The following ZNF407 variants were observed in gnomAD, a reference collection of about 807,000 sequenced individuals.
The protein encoded by ZNF407 is zinc finger protein 407.
A neutral mutation model predicts 131.2 loss-of-function variants in ZNF407; 17 were observed. The observed-to-expected ratio is 0.13, with a 90% CI of 0.09 to 0.19. ZNF407 has a LOEUF of 0.19. Ranked by LOEUF, ZNF407 falls within the 10% of genes least tolerant of loss-of-function variation. The pLI is 1.00. For missense variants in ZNF407, 2,681 were observed against 2,830.6 expected, an observed-to-expected ratio of 0.95 and a Z score of 1.20; for synonymous variants, 1,156 against 1,062.0, an observed-to-expected ratio of 1.09 and a Z score of -1.72.
rs573531464 is a variant in ZNF407, at chr18:74,844,223, TC to T, written c.4878-32969del. Among the ~76,000 whole-genome samples, 3 of 152,158 alleles carry T rather than the reference TC, an allele frequency of 2.0e-5. No homozygotes were observed. In the South Asian group the frequency reaches 6.2e-4, roughly 32 times the overall value. On this transcript the variant is annotated intron_variant, in intron 4 of 8. Coordinates refer to ENST00000299687, the MANE Select transcript of ZNF407 (RefSeq NM_017757.3). The stretch of plus-strand genomic sequence containing the variant: ...TCCTTCCCCCATGGCTTGCTTCTCC[TC>T]CCCCATGGCGTGAGCTTCTCAGAAT...
chr18:74,676,525 C>T (rs1021606789), intron 3 of ZNF407, among the ~76,000 whole-genome samples: 6 of 151,840 alleles, frequency 4.0e-5, no homozygotes, highest in Non-Finnish European at 8.8e-5. Context: ...CAAGCTCCGC[C>T]TCCCGGGTTC....
At chr18:75,023,469 A>C (rs1177624127) in intron 8 of ZNF407, among the ~76,000 whole-genome samples, 4 of 152,260 alleles carry the variant, frequency 2.6e-5, no homozygotes, top group African/African-American at 7.2e-5. Flanking sequence ...ATAATGTATC[A>C]TATAAGTTAA....
chr18:74,647,513 G>A (rs1310318527), intron 3 of ZNF407, among the ~76,000 whole-genome samples: 2 of 152,086 alleles, frequency 1.3e-5, no homozygotes, highest in African/African-American at 4.8e-5. Context: ...AGAATATTAG[G>A]TGGGTAGCCA....
Position 74,635,514 on chromosome 18 carries a change from C to G in ZNF407, c.4495C>G (p.Gln1499Glu). The stretch of plus-strand genomic sequence containing the variant: ...GTGCACAGAGCCCTTTGATTCTGAA[C>G]AGAATTTATTTTTACATATTAAAGG... Reference protein sequence around the residue: ...VKCTEPFDSEQNLFLHIKGQH... With the variant: ...VKCTEPFDSEENLFLHIKGQH... The change falls in exon 2 of 9, where the codon CAG becomes GAG. Residue 1499 changes from glutamine to glutamate, a missense_variant. By Grantham distance (29) the Gln-to-Glu change is conservative. Around this residue, in one of 6 missense-constraint regions of ZNF407, gnomAD observed 213 missense variants for 332.2 expected, o/e 0.64. Transcript: ENST00000299687. The surrounding 1 kb of genome is among the most constrained non-coding windows in gnomAD (Gnocchi z 4.7). 1 of 1,612,436 alleles carries G rather than the reference C, an allele frequency of 6.2e-7. No homozygotes were observed. Among genetic ancestry groups the G allele is most frequent in the Non-Finnish European group, 8.5e-7 (1 of 1,179,136 alleles).
rs946015188 is a variant in ZNF407, at chr18:74,599,211, A to G, written c.-54+1274A>G. Among the ~76,000 whole-genome samples, 5 of 152,244 alleles carry G rather than the reference A, an allele frequency of 3.3e-5. No individual in the cohort carries two copies. The East Asian group carries it at 5.8e-4, about 18-fold the overall frequency. ...TACAAACTGAGACTCACTTTGCTATATACAAAATTACTGCTACTGGTACAA... is the reference window on the plus strand; with the variant it reads ...TACAAACTGAGACTCACTTTGCTATGTACAAAATTACTGCTACTGGTACAA... On this transcript the variant is annotated intron_variant, in intron 1 of 8. Coordinates refer to ENST00000299687, the MANE Select transcript of ZNF407 (RefSeq NM_017757.3).
In ZNF407 at chr18:75,065,193, A is replaced by G. The variant is rs1973698512; in HGVS notation, c.*725A>G. The G allele has an allele frequency of 6.6e-6, 1 of 152,388 alleles. No homozygotes were observed. Among genetic ancestry groups the G allele is most frequent in the Admixed American group, 6.5e-5 (1 of 15,276 alleles). The allele number at this position is 152,388 out of a possible 1,614,324, so 9.4% of individuals were successfully genotyped here. ...TGAAGTTTATATTCAGTTAAAATAT[A>G]TGTCGGTGGAGATAGCCAGTGCTTC... On this transcript the variant is annotated 3_prime_UTR_variant, in exon 9 of 9. Transcript: ENST00000299687.
chr18:74,761,345 G>T (rs1022829684), intron 3 of ZNF407, among the ~76,000 whole-genome samples: 1 of 151,932 alleles, frequency 6.6e-6, no homozygotes, highest in Non-Finnish European at 1.5e-5. Context: ...TCTTATACTT[G>T]TGCATATTTC....
intron 7 of ZNF407, among the ~76,000 whole-genome samples, chr18:74,907,791 G>GGT (rs1235274774): frequency 6.6e-6 from 1 of 152,016 alleles, no homozygotes; most frequent in Non-Finnish European, 1.5e-5. Flanking sequence ...AACTTTCAAG[G>GGT]GTGTGTGTAT....
intron 4 of ZNF407, among the ~76,000 whole-genome samples, chr18:74,852,561 T>C (rs1970804680): frequency 6.6e-6 from 1 of 152,184 alleles, no homozygotes; most frequent in Admixed American, 6.5e-5. Context: ...TATTTTGAGC[T>C]CTGTAATTTA....
At chr18:74,886,306 A>C (rs1202697802) in intron 6 of ZNF407, among the ~76,000 whole-genome samples, 1 of 152,160 alleles carries the variant, frequency 6.6e-6, no homozygotes, top group Non-Finnish European at 1.5e-5. Context: ...AGCTGGTAGG[A>C]ATGTAAAATG....
chr18:74,990,842 T>C (rs1972709987), intron 8 of ZNF407, among the ~76,000 whole-genome samples: 1 of 152,188 alleles, frequency 6.6e-6, no homozygotes, highest in South Asian at 2.1e-4. Flanking sequence ...ATCTGTTCTT[T>C]TGTGTATTTT....
At chr18:74,895,942 G>T (rs1971448164) in intron 7 of ZNF407, among the ~76,000 whole-genome samples, 1 of 152,182 alleles carries the variant, frequency 6.6e-6, no homozygotes, top group African/African-American at 2.4e-5. Context: ...ACCACAAGAA[G>T]CAGTGGATAG....
chr18:75,040,621 T>A (rs560552221), intron 8 of ZNF407, among the ~76,000 whole-genome samples: 29 of 152,318 alleles, frequency 1.9e-4, no homozygotes, highest in African/African-American at 7.0e-4. Flanking sequence ...TAATAACTTG[T>A]AGCTGAGTGT....
intron 8 of ZNF407, among the ~76,000 whole-genome samples, chr18:74,974,036 C>T (rs1972500902): frequency 6.6e-6 from 1 of 152,108 alleles, no homozygotes; most frequent in African/African-American, 2.4e-5. Flanking sequence ...ACAATCAACC[C>T]ATGACATATG....
At chr18:74,966,740 T>G (rs1972414446) in intron 8 of ZNF407, among the ~76,000 whole-genome samples, 2 of 152,206 alleles carry the variant, frequency 1.3e-5, no homozygotes, top group African/African-American at 2.4e-5. Flanking sequence ...ATCTGTAGAT[T>G]GTTTTGGGTG....
intron 4 of ZNF407, among the ~76,000 whole-genome samples, chr18:74,871,853 G>A (rs1971091588): frequency 2.0e-5 from 3 of 147,970 alleles, no homozygotes; most frequent in South Asian, 2.2e-4. Flanking sequence ...ATTTATTACA[G>A]ATTTCTTTCT....
At chr18:75,033,819 G>A (rs761385531) in intron 8 of ZNF407, among the ~76,000 whole-genome samples, 3 of 151,802 alleles carry the variant, frequency 2.0e-5, no homozygotes, top group Non-Finnish European at 2.9e-5. Flanking sequence ...ATGGCTTCCC[G>A]TGGGATATAT....
intron 8 of ZNF407, among the ~76,000 whole-genome samples, chr18:75,000,015 A>G (rs1293290108): frequency 6.6e-6 from 1 of 152,232 alleles, no homozygotes; most frequent in Non-Finnish European, 1.5e-5. Context: ...ATATATTTAA[A>G]TAAGCAGAAA....
chr18:74,943,047 CTG>C (rs1269840968), intron 8 of ZNF407, among the ~76,000 whole-genome samples: 4 of 151,926 alleles, frequency 2.6e-5, no homozygotes, highest in Admixed American at 1.3e-4. Context: ...TTCCAGGTAA[CTG>C]GGGCTACAGG....
Sources: gnomAD v4.1 joint callset for allele counts (sites outside exome capture counted in the v4.1 genomes callset) on GRCh38, gnomAD v4.1.1 for gene constraint, gnomAD v4.1.1 regional missense constraint, Gnocchi (gnomAD v3.1) non-coding constraint, MANE v1.5 for transcripts, NCBI Gene and HGNC (gene_info 2026-07-23, HGNC 2026-07-21) for gene names.